Variants in NEK9 observed in about 807,000 individuals in gnomAD.
NEK9 encodes the protein NIMA related kinase 9.
In NEK9, 75 loss-of-function variants were observed where a neutral mutation model predicts 123.4. The ratio of observed to expected loss-of-function variants is 0.61; its 90% CI spans 0.50 to 0.74. The LOEUF is 0.74. Among genes scored for constraint, NEK9 ranks in the 30% least tolerant of loss-of-function variants. The pLI, the probability that NEK9 is intolerant of heterozygous loss-of-function variation, is 0.00. For synonymous variants in NEK9, 438 were observed against 458.7 expected (o/e 0.95, Z 0.58); for missense variants, 952 against 1,214.4 (o/e 0.78, Z 3.21).
At chr14:75,123,496 G>C (rs1228779455) in intron 2 of NEK9, among the ~76,000 whole-genome samples, 1 of 152,102 alleles carries the variant, frequency 6.6e-6, no homozygotes, top group Non-Finnish European at 1.5e-5. Flanking sequence ...CTAGAAAGTA[G>C]AGAAACTTGG....
At chr14:75,115,172 G>A (rs1895100304) in intron 6 of NEK9, among the ~76,000 whole-genome samples, 1 of 151,934 alleles carries the variant, frequency 6.6e-6, no homozygotes, top group Admixed American at 6.6e-5. Flanking sequence ...CTGGAGTGCA[G>A]TGACACGATC....
At chr14:75,121,028 A>C in intron 3 of NEK9, 91 bp downstream of exon 3, 1 of 1,062,846 alleles carries the variant, frequency 9.4e-7, no homozygotes, top group Non-Finnish European at 1.5e-6. Context: ...GGAAAAAAAC[A>C]CTCTTCACTA....
intron 6 of NEK9, 124 bp from the exon 7 acceptor site, chr14:75,114,437 T>G: frequency 2.8e-6 from 2 of 725,482 alleles, no homozygotes; most frequent in South Asian, 3.5e-5. Context: ...TGACTTCTTG[T>G]TATAACTACT....
rs750295095 is a variant in NEK9 at position 75,106,015 on chromosome 14, T to G, written c.1529-19A>C. ...AGTCGTCCTGAAACACACATAAGAATGAAAATCATTATAATGAGGGCTTCC... is the reference window on the plus strand; with the variant it reads ...AGTCGTCCTGAAACACACATAAGAAGGAAAATCATTATAATGAGGGCTTCC... On this transcript the variant is annotated intron_variant, in intron 12 of 21. Coordinates refer to ENST00000238616, the MANE Select transcript of NEK9 (RefSeq NM_033116.6). The G allele has an allele frequency of 2.5e-6, 4 of 1,607,168 alleles. No homozygotes were observed. Among genetic ancestry groups the G allele is most frequent in the Non-Finnish European group, 3.4e-6 (4 of 1,173,706 alleles).
intron 21 of NEK9, 161 bp from the exon 22 acceptor site, chr14:75,084,847 TAC>T: frequency 1.3e-6 from 1 of 792,222 alleles, no homozygotes; most frequent in East Asian, 2.8e-5. Flanking sequence ...CTATTTTAGA[TAC>T]AGTCCATACC....
intron 10 of NEK9, among the ~76,000 whole-genome samples, chr14:75,108,500 TGTGTGTGCGTGTGC>T (rs1471550658): frequency 8.9e-6 from 1 of 112,682 alleles, no homozygotes; most frequent in African/African-American, 3.5e-5. Context: ...TATATATATA[TGTGTGTGCGTGTGC>T]GTGTGTGTGT....
rs1416755091 is a variant in NEK9 at position 75,083,674 on chromosome 14, C to CCT, written c.*888_*889dup. On this transcript the variant is annotated 3_prime_UTR_variant, in exon 22 of 22. Coordinates refer to ENST00000238616, the MANE Select transcript of NEK9 (RefSeq NM_033116.6). ...TTTTCATGGGCAGAAGACTGAGAGC[C>CCT]CTCTAAGCCCTCTCTAAGATACCAA... is the stretch of plus-strand genomic sequence containing the variant. 2 of 152,096 alleles carry CCT rather than the reference C, an allele frequency of 1.3e-5. No homozygotes were observed. Among genetic ancestry groups the CCT allele is most frequent in the Non-Finnish European group, 2.9e-5 (2 of 68,036 alleles). 9.4% of individuals were successfully genotyped at this position (152,096 alleles called of 1,614,324 possible). A position where few individuals can be genotyped will look rare whatever the true frequency, so the allele number is the denominator to read the frequency against.
At position 75,084,626 on chromosome 14, in the gene NEK9, G is replaced by T. The variant is rs199634526; in HGVS notation, c.2878C>A (p.Pro960Thr). The T allele has an allele frequency of 1.2e-6, 2 of 1,614,046 alleles. No individual in the cohort carries two copies. The highest frequency in any genetic ancestry group is 1.7e-6 in the Non-Finnish European group (2 of 1,180,030). The stretch of plus-strand genomic sequence containing the variant: ...CACCAGGAATCTGAATCTAAGTCAG[G>T]CTTTGGATCCATTTCCATCTCTTCC... ...AKEEMEMDPK[P>T]DLDSDSWCLL... Residue 960 changes from proline to threonine, a missense_variant, in exon 22 of 22, where the codon CCT (proline) becomes ACT (threonine). By Grantham distance (38) the Pro-to-Thr change is conservative (BLOSUM62 -1). Coordinates refer to ENST00000238616, the MANE Select transcript of NEK9 (RefSeq NM_033116.6).
intron 6 of NEK9, 142 bp from the exon 7 acceptor site, chr14:75,114,455 A>C (rs552446054): frequency 2.4e-5 from 16 of 653,904 alleles, no homozygotes; most frequent in Non-Finnish European, 4.3e-5. Context: ...ACTAGTATGC[A>C]TCAAAAAAAA....
Position 75,091,311 on chromosome 14 carries a change from T to G in NEK9, c.2401A>C (p.Ser801Arg), listed in dbSNP as rs1894208073. 1 of 1,613,526 alleles carries G rather than the reference T, an allele frequency of 6.2e-7. No homozygotes were observed. The highest frequency in any genetic ancestry group is 1.3e-5 in the African/African-American group (1 of 74,882). ...LISPTEAMGN[S>R]NGASSSCPGW... Reference sequence around the variant, plus strand: ...GGACAGGAGCTGCTGGCCCCATTACTGTTCCCCATGGCCTCTGTGGGACTG... The same window carrying G: ...GGACAGGAGCTGCTGGCCCCATTACGGTTCCCCATGGCCTCTGTGGGACTG... The change falls in exon 19 of 22, where the codon AGT (serine) becomes CGT (arginine). Residue 801 changes from serine to arginine, a missense_variant. Physicochemically the swap from Ser to Arg is moderately radical, Grantham distance 110. Transcript: ENST00000238616.
intron 21 of NEK9, 72 bp downstream of exon 21, chr14:75,086,946 G>A (rs1334812944): frequency 7.0e-7 from 1 of 1,436,394 alleles, no homozygotes; most frequent in Non-Finnish European, 9.8e-7. Context: ...GTCTATTTCA[G>A]TACTTTGTGT....
chr14:75,099,377 A>G (rs184116618), intron 16 of NEK9, among the ~76,000 whole-genome samples: 7 of 152,190 alleles, frequency 4.6e-5, no homozygotes, highest in Admixed American at 4.6e-4. Context: ...CAAGTGAAAA[A>G]AGTGGCTACA....
At position 75,097,290 on chromosome 14, in the gene NEK9, G is replaced by A; in HGVS notation, c.2003-20C>T. 6.4e-7 allele frequency: 1 copy of A among 1,573,552 alleles called. No individual in the cohort carries two copies. The highest frequency in any genetic ancestry group is 8.6e-7 in the Non-Finnish European group (1 of 1,158,012). On this transcript the variant is annotated intron_variant, in intron 16 of 21. Coordinates refer to ENST00000238616, the MANE Select transcript of NEK9 (RefSeq NM_033116.6). Reference sequence around the variant, plus strand: ...GATTATCTAGGAAAAAAGTTAAACAGTAGACCATTTAACAGAACACTGGCT... The same window carrying A: ...GATTATCTAGGAAAAAAGTTAAACAATAGACCATTTAACAGAACACTGGCT...
intron 17 of NEK9, 64 bp downstream of exon 17, chr14:75,097,036 G>T: frequency 6.9e-7 from 1 of 1,453,124 alleles, no homozygotes; most frequent in Non-Finnish European, 9.3e-7. Context: ...GTGACTAACA[G>T]TACTCAGATG....
chr14:75,117,402 A>T (rs1006029159), intron 5 of NEK9, 76 bp from the exon 6 acceptor site: 8 of 1,477,176 alleles, frequency 5.4e-6, no homozygotes, highest in East Asian at 2.4e-5. Context: ...AGCTTAATTA[A>T]ATTTCCTAGG....
rs184912832 is a variant in NEK9, at chr14:75,093,861, T to C, written c.2233+1511A>G. 4.6e-5 allele frequency among the ~76,000 whole-genome samples: 7 copies of C among 152,358 alleles called. 1 individual carries two copies. In the East Asian group the frequency reaches 1.3e-3, roughly 29 times the overall value. On this transcript the variant is annotated intron_variant, in intron 18 of 21. Coordinates refer to ENST00000238616, the MANE Select transcript of NEK9 (RefSeq NM_033116.6). ...TTGGAGATGTTCACTTTCACTCCAA[T>C]GGATGGTTATAACGCATTTAATCAA... is the stretch of plus-strand genomic sequence containing the variant.
chr14:75,108,766 G>C (rs964332309), intron 10 of NEK9, among the ~76,000 whole-genome samples: 5 of 152,030 alleles, frequency 3.3e-5, no homozygotes, highest in Admixed American at 1.3e-4. Context: ...TGTTTGCCAG[G>C]CTGGTCTCAA....
chr14:75,099,551 G>C (rs1894494108), intron 16 of NEK9, among the ~76,000 whole-genome samples: 1 of 152,102 alleles, frequency 6.6e-6, no homozygotes, highest in South Asian at 2.1e-4. Context: ...GGAGGCCAAG[G>C]CGGGTGGATC....
intron 1 of NEK9, among the ~76,000 whole-genome samples, chr14:75,125,416 A>G (rs1323272665): frequency 6.6e-6 from 1 of 152,178 alleles, no homozygotes; most frequent in Non-Finnish European, 1.5e-5. Flanking sequence ...ACGCTATGCA[A>G]TTTTTGGGAA....
Sources: gnomAD v4.1 joint callset for allele counts (sites outside exome capture counted in the v4.1 genomes callset) on GRCh38, gnomAD v4.1.1 for gene constraint, MANE v1.5 for transcripts, NCBI Gene and HGNC (gene_info 2026-07-23, HGNC 2026-07-21) for gene names.